The following BTRC variants were observed in gnomAD, a reference collection of about 807,000 sequenced individuals.
BTRC encodes F-box/WD repeat-containing protein 1A.
A neutral mutation model predicts 85.5 loss-of-function variants in BTRC; 42 were observed. The observed-to-expected ratio is 0.49, with a 90% CI of 0.38 to 0.64. The LOEUF is 0.64. BTRC is among the 30% of genes least tolerant of loss of function. The probability of loss-of-function intolerance (pLI) is 0.00; values close to 1 mark genes in which losing one functional copy is unlikely to be tolerated. For missense variants in BTRC, 594 were observed against 743.5 expected, an observed-to-expected ratio of 0.80 and a Z score of 2.34; for synonymous variants, 255 against 263.3, an observed-to-expected ratio of 0.97 and a Z score of 0.30.
At chr10:101,368,562 C>G (rs1590209828) in intron 1 of BTRC, among the ~76,000 whole-genome samples, 2 of 140,052 alleles carry the variant, frequency 1.4e-5, no homozygotes, top group South Asian at 4.7e-4. Flanking sequence ...TCACTGCACC[C>G]TTGAACTCCT....
intron 3 of BTRC, among the ~76,000 whole-genome samples, chr10:101,463,251 G>T (rs1945277818): frequency 6.6e-6 from 1 of 152,042 alleles, no homozygotes; most frequent in African/African-American, 2.4e-5. Context: ...TCACCATGTT[G>T]GCCAGGCTGG....
Position 101,495,641 on chromosome 10 carries a change from C to A in BTRC, c.324+16184C>A, listed in dbSNP as rs889399042. Among the ~76,000 whole-genome samples the A allele has an allele frequency of 8.5e-5, 13 of 152,076 alleles. 1 individual carries two copies. Among genetic ancestry groups the A allele is most frequent in the Admixed American group, 7.9e-4 (12 of 15,260 alleles). ...GCTCTTCTGTGGCAAAAATTTAAATCTTTTTTATTAGAAGTCCCTGTTTCC... is the reference window on the plus strand; with the variant it reads ...GCTCTTCTGTGGCAAAAATTTAAATATTTTTTATTAGAAGTCCCTGTTTCC... On this transcript the variant is annotated intron_variant, in intron 4 of 14. Coordinates refer to ENST00000370187, the MANE Select transcript of BTRC (RefSeq NM_033637.4).
intron 4 of BTRC, among the ~76,000 whole-genome samples, chr10:101,490,828 G>A (rs975226473): frequency 6.6e-6 from 1 of 152,182 alleles, no homozygotes; most frequent in African/African-American, 2.4e-5. Flanking sequence ...GGAGGCCTAG[G>A]TGGGCGGATC....
chr10:101,374,035 T>C (rs1942717254), intron 1 of BTRC, among the ~76,000 whole-genome samples: 1 of 152,206 alleles, frequency 6.6e-6, no homozygotes, highest in Non-Finnish European at 1.5e-5. Flanking sequence ...TATTATTCTG[T>C]ACTTTTTTGT....
intron 13 of BTRC, among the ~76,000 whole-genome samples, chr10:101,544,342 T>C (rs192927200): frequency 4.2e-4 from 64 of 152,332 alleles, no homozygotes; most frequent in African/African-American, 1.4e-3. Context: ...AAGAACTTAC[T>C]TTAACATTTC....
chr10:101,548,053 A>G (rs932170719), intron 13 of BTRC, among the ~76,000 whole-genome samples: 5 of 152,254 alleles, frequency 3.3e-5, no homozygotes, highest in African/African-American at 1.2e-4. Context: ...AAATACTACT[A>G]CAAACCTACC....
chr10:101,528,313 A>G lies in BTRC; in HGVS notation c.743+2114A>G, dbSNP rs1281680704. 3.9e-5 allele frequency among the ~76,000 whole-genome samples: 6 copies of G among 152,324 alleles called. No individual in the cohort carries two copies. In the South Asian group the frequency reaches 1.2e-3, roughly 32 times the overall value. Reference sequence around the variant, plus strand: ...GATGGATGTGAAAATGCCAAAGGTAAAAGGCTCCACAGTTTTGCTTGGGAT... The same window carrying G: ...GATGGATGTGAAAATGCCAAAGGTAGAAGGCTCCACAGTTTTGCTTGGGAT... On this transcript the variant is annotated intron_variant, in intron 6 of 14. Transcript: ENST00000370187.
intron 5 of BTRC, among the ~76,000 whole-genome samples, chr10:101,525,413 A>G (rs1207050514): frequency 2.0e-5 from 3 of 152,186 alleles, no homozygotes; most frequent in Non-Finnish European, 4.4e-5. Context: ...AATTAAACCC[A>G]TTCTTGAACT....
At chr10:101,551,591 G>A (rs1416128015) in intron 14 of BTRC, among the ~76,000 whole-genome samples, 3 of 152,200 alleles carry the variant, frequency 2.0e-5, no homozygotes, top group Admixed American at 6.5e-5. Context: ...GTTGTTACCA[G>A]TTTGAGAAGG....
At chr10:101,421,394 A>G (rs1215980608) in intron 1 of BTRC, among the ~76,000 whole-genome samples, 2 of 152,144 alleles carry the variant, frequency 1.3e-5, no homozygotes, top group African/African-American at 4.8e-5. Context: ...CAGAATATCT[A>G]GTTTTGACTC....
At chr10:101,499,120 T>TA (rs1946339114) in intron 4 of BTRC, among the ~76,000 whole-genome samples, 1 of 152,004 alleles carries the variant, frequency 6.6e-6, no homozygotes. Context: ...AAGTAGGTGG[T>TA]ATTAGTTTTG....
chr10:101,430,312 C>T (rs754630807), intron 1 of BTRC, 33 bp from the exon 2 acceptor site: 2 of 1,484,126 alleles, frequency 1.3e-6, no homozygotes, highest in East Asian at 2.3e-5. Flanking sequence ...CTGTCTCATA[C>T]TGTCCCATCT....
chr10:101,367,638 A>C (rs759596429), intron 1 of BTRC, among the ~76,000 whole-genome samples: 20 of 152,242 alleles, frequency 1.3e-4, no homozygotes, highest in Non-Finnish European at 2.6e-4. Flanking sequence ...CCACTCTCTT[A>C]TAATATCTGT....
intron 13 of BTRC, among the ~76,000 whole-genome samples, chr10:101,539,177 C>A (rs113935163): frequency 2.0e-5 from 3 of 152,176 alleles, no homozygotes; most frequent in East Asian, 3.8e-4. Flanking sequence ...CCATATACCC[C>A]CTTTTGACAT....
At chr10:101,415,492 TTATGTTATGTTATGTTATGTTATGTTATG>T (rs1564758101) in intron 1 of BTRC, among the ~76,000 whole-genome samples, 3,162 of 111,130 alleles carry the variant, frequency 0.028, 689 homozygotes, top group African/African-American at 0.083. Context: ...TTATTTTATG[TTATGTTATGTTATGTTATGTTATGTTATG>T]TTATGTTATG....
At chr10:101,459,794 A>C (rs1255553225) in intron 2 of BTRC, among the ~76,000 whole-genome samples, 1 of 152,182 alleles carries the variant, frequency 6.6e-6, no homozygotes, top group Non-Finnish European at 1.5e-5. Flanking sequence ...ATCTGATAAA[A>C]TAGAGGGTCA....
At chr10:101,535,232 T>C in intron 10 of BTRC, 122 bp from the exon 11 acceptor site, 1 of 816,948 alleles carries the variant, frequency 1.2e-6, no homozygotes, top group East Asian at 2.4e-5. Flanking sequence ...TTGTTTTATT[T>C]GTTTGAGAAG....
chr10:101,491,201 A>C (rs977591991), intron 4 of BTRC, among the ~76,000 whole-genome samples: 2 of 152,224 alleles, frequency 1.3e-5, no homozygotes, highest in Non-Finnish European at 2.9e-5. Context: ...ATTGTTCTGT[A>C]TATAAAATGA....
intron 1 of BTRC, among the ~76,000 whole-genome samples, chr10:101,369,145 G>A (rs1481086919): frequency 6.6e-6 from 1 of 151,952 alleles, no homozygotes; most frequent in Non-Finnish European, 1.5e-5. Flanking sequence ...TAGGTTTGTT[G>A]ACTGTTTAGA....
Sources: allele counts gnomAD v4.1 joint callset (sites outside exome capture counted in the v4.1 genomes callset), GRCh38; gene constraint gnomAD v4.1.1; transcripts MANE v1.5; gene names NCBI Gene and HGNC (gene_info 2026-07-23, HGNC 2026-07-21).